The following RNGTT variants were observed in gnomAD, a reference collection of about 807,000 sequenced individuals.
The protein encoded by RNGTT is mRNA-capping enzyme.
Under a neutral mutation model 79.3 loss-of-function variants are expected in RNGTT, and 33 were observed. The ratio of observed to expected loss-of-function variants is 0.42; its 90% CI spans 0.32 to 0.56. RNGTT has a LOEUF of 0.56. Ranked by LOEUF, RNGTT falls within the 20% of genes least tolerant of loss-of-function variation. The pLI, the probability that RNGTT is intolerant of heterozygous loss-of-function variation, is 0.17. For synonymous variants in RNGTT, 222 were observed against 235.9 expected (o/e 0.94, Z 0.54); for missense variants, 497 against 739.1 (o/e 0.67, Z 3.80).
Position 88,929,149 on chromosome 6 carries a change from T to C in RNGTT, c.278+15A>G, listed in dbSNP as rs755367508. 1.3e-5 allele frequency: 21 copies of C among 1,575,372 alleles called. No homozygotes were observed. The highest frequency in any genetic ancestry group is 1.7e-5 in the Non-Finnish European group (20 of 1,152,522). ...GAAAGGTTTCAATATTAAAGAATCT[T>C]AATATATAACTTACCCTTTACACTG... is the stretch of plus-strand genomic sequence containing the variant. On this transcript the variant is annotated intron_variant, in intron 3 of 15. Coordinates refer to ENST00000369485, the MANE Select transcript of RNGTT (RefSeq NM_003800.5).
chr6:88,672,208 TATATATATATACACACACACAC>T (rs1283840560), intron 14 of RNGTT, among the ~76,000 whole-genome samples: 7 of 136,574 alleles, frequency 5.1e-5, no homozygotes, highest in Admixed American at 3.8e-4. Flanking sequence ...TATACATATA[TATATATATATACACACACACAC>T]ATATATATAC....
At chr6:88,844,577 T>C in intron 10 of RNGTT, 56 bp from the exon 11 acceptor site, 1 of 1,507,614 alleles carries the variant, frequency 6.6e-7, no homozygotes, top group Non-Finnish European at 9.1e-7. Context: ...TTTATCAGCA[T>C]AATTATCAAG....
chr6:88,769,997 C>A, intron 12 of RNGTT, 123 bp from the exon 13 acceptor site: 1 of 627,124 alleles, frequency 1.6e-6, no homozygotes, highest in Admixed American at 2.8e-5. Context: ...TAATTTTAAT[C>A]TTCAACCAAC....
chr6:88,918,907 T>G (rs1784079864), intron 4 of RNGTT, among the ~76,000 whole-genome samples: 1 of 152,228 alleles, frequency 6.6e-6, no homozygotes, highest in African/African-American at 2.4e-5. Context: ...TTAAATATTT[T>G]TATGAATAGG....
chr6:88,850,635 TTTG>T (rs1781641133), intron 9 of RNGTT, among the ~76,000 whole-genome samples: 1 of 152,020 alleles, frequency 6.6e-6, no homozygotes, highest in African/African-American at 2.4e-5. Context: ...AAAAATATAT[TTTG>T]TTGTTGTAAG....
intron 12 of RNGTT, among the ~76,000 whole-genome samples, chr6:88,790,394 G>A (rs1197868065): frequency 1.3e-5 from 2 of 152,184 alleles, no homozygotes; most frequent in African/African-American, 2.4e-5. Context: ...TGTTTATTCT[G>A]TGAAAAAGCT....
intron 12 of RNGTT, among the ~76,000 whole-genome samples, chr6:88,771,313 GTGTATA>G (rs1261603319): frequency 3.4e-4 from 16 of 47,710 alleles, no homozygotes; most frequent in African/African-American, 9.2e-4. Context: ...ATGTGTGTGT[GTGTATA>G]TATATATATA....
At chr6:88,849,005 C>T (rs190587408) in intron 10 of RNGTT, among the ~76,000 whole-genome samples, 1 of 151,960 alleles carries the variant, frequency 6.6e-6, no homozygotes, top group Non-Finnish European at 1.5e-5. Flanking sequence ...TAAGCCCAGA[C>T]TGAACATGTA....
chr6:88,798,008 AGGTAAGAGACTGTTT>A (rs921433248), intron 12 of RNGTT, among the ~76,000 whole-genome samples: 9 of 151,716 alleles, frequency 5.9e-5, no homozygotes, highest in South Asian at 4.2e-4. Flanking sequence ...GTGCAGAAAA[AGGTAAGAGACTGTTT>A]GGTAAGAGAC....
intron 11 of RNGTT, among the ~76,000 whole-genome samples, chr6:88,833,540 A>C (rs1290224976): frequency 6.6e-6 from 1 of 152,202 alleles, no homozygotes; most frequent in African/African-American, 2.4e-5. Context: ...TAACAAACCT[A>C]CATGTTCTGC....
chr6:88,653,237 G>C (rs117200017), intron 14 of RNGTT, among the ~76,000 whole-genome samples: 131 of 152,210 alleles, frequency 8.6e-4, no homozygotes, highest in Non-Finnish European at 1.6e-3. Flanking sequence ...GTAAAGTATT[G>C]CATTTCCTTT....
intron 12 of RNGTT, among the ~76,000 whole-genome samples, chr6:88,776,324 T>G (rs1017303930): frequency 2.7e-5 from 4 of 148,012 alleles, no homozygotes; most frequent in Non-Finnish European, 4.4e-5. Context: ...TTTTGACCTT[T>G]TTTTTTTTTT....
At chr6:88,838,617 C>T (rs1448744751) in intron 11 of RNGTT, among the ~76,000 whole-genome samples, 3 of 152,048 alleles carry the variant, frequency 2.0e-5, no homozygotes, top group Non-Finnish European at 2.9e-5. Context: ...AGAAGACCTA[C>T]ATAAAAGAAA....
chr6:88,963,431 G>A lies in RNGTT; in HGVS notation c.-22C>T. The A allele has an allele frequency of 6.5e-7, 1 of 1,550,310 alleles. No homozygotes were observed. Among genetic ancestry groups the A allele is most frequent in the Non-Finnish European group, 8.7e-7 (1 of 1,144,172 alleles). ...CCATGTCTTGGGGCTGCGCAGAGCTGCCCTCCCTCACCAACGTTCACCGCG... is the reference window on the plus strand; with the variant it reads ...CCATGTCTTGGGGCTGCGCAGAGCTACCCTCCCTCACCAACGTTCACCGCG... On this transcript the variant is annotated 5_prime_UTR_variant, in exon 1 of 16. Coordinates refer to ENST00000369485, the MANE Select transcript of RNGTT (RefSeq NM_003800.5).
chr6:88,838,508 A>G (rs1364971664), intron 11 of RNGTT, among the ~76,000 whole-genome samples: 1 of 152,174 alleles, frequency 6.6e-6, no homozygotes, highest in Non-Finnish European at 1.5e-5. Context: ...GAAATTTTAC[A>G]AAGACTTTTA....
chr6:88,914,387 T>C (rs113032215), intron 4 of RNGTT, among the ~76,000 whole-genome samples: 2 of 151,908 alleles, frequency 1.3e-5, no homozygotes, highest in Non-Finnish European at 2.9e-5. Flanking sequence ...CCGCAAACTA[T>C]GCTAATAAGG....
At chr6:88,653,003 C>T (rs1051104875) in intron 14 of RNGTT, among the ~76,000 whole-genome samples, 3 of 152,068 alleles carry the variant, frequency 2.0e-5, no homozygotes, top group African/African-American at 2.4e-5. Flanking sequence ...GAATCTAGAT[C>T]CGAAACTGTG....
chr6:88,744,537 G>C (rs1334726449), intron 13 of RNGTT, among the ~76,000 whole-genome samples: 1 of 152,082 alleles, frequency 6.6e-6, no homozygotes, highest in Admixed American at 6.6e-5. Flanking sequence ...TGGTATAACA[G>C]GCATGAGCCA....
chr6:88,894,806 C>T (rs1783178310), intron 6 of RNGTT, among the ~76,000 whole-genome samples: 1 of 152,124 alleles, frequency 6.6e-6, no homozygotes, highest in Non-Finnish European at 1.5e-5. Flanking sequence ...GTGACTCATG[C>T]CAGTAATCCC....
Sources: gnomAD v4.1 joint callset for allele counts (sites outside exome capture counted in the v4.1 genomes callset) on GRCh38, gnomAD v4.1.1 for gene constraint, MANE v1.5 for transcripts, NCBI Gene and HGNC (gene_info 2026-07-23, HGNC 2026-07-21) for gene names.